Variants in CDH13 observed in about 807,000 individuals in gnomAD.
The protein encoded by CDH13 is cadherin 13, also known as cadherin-13.
A neutral mutation model predicts 63.8 loss-of-function variants in CDH13; 24 were observed. The observed-to-expected ratio is 0.38, with a 90% CI of 0.27 to 0.53. CDH13 has a LOEUF of 0.53. Among genes scored for constraint, CDH13 ranks in the 20% least tolerant of loss-of-function variants. The pLI is 0.85. For synonymous variants in CDH13, 503 were observed against 355.3 expected, an observed-to-expected ratio of 1.42 and a Z score of -4.67; for missense variants, 1,049 against 903.1, an observed-to-expected ratio of 1.16 and a Z score of -2.07.
chr16:83,112,412 G>A (rs2035101300), intron 3 of CDH13, among the ~76,000 whole-genome samples: 1 of 152,234 alleles, frequency 6.6e-6, no homozygotes. Context: ...GAGAGAGGAA[G>A]TTCTTGGTGA....
intron 7 of CDH13, among the ~76,000 whole-genome samples, chr16:83,489,608 C>T (rs1010184622): frequency 1.3e-5 from 2 of 152,148 alleles, no homozygotes. Context: ...ATCAGATGTC[C>T]AGTGGAGTTC....
intron 4 of CDH13, among the ~76,000 whole-genome samples, chr16:83,155,757 T>C (rs1219757752): frequency 1.3e-5 from 2 of 152,166 alleles, no homozygotes; most frequent in African/African-American, 4.8e-5. Context: ...CCAGGAAGAC[T>C]GAACTGCAAA....
chr16:82,911,984 C>G (rs1157937234), intron 2 of CDH13, among the ~76,000 whole-genome samples: 1 of 152,042 alleles, frequency 6.6e-6, no homozygotes, highest in Non-Finnish European at 1.5e-5. Flanking sequence ...TTGTGACCCA[C>G]GATTCAGCCA....
At chr16:83,675,961 C>T (rs8058363) in intron 9 of CDH13, among the ~76,000 whole-genome samples, 11,416 of 152,136 alleles carry the variant, frequency 0.075, 698 homozygotes, top group African/African-American at 0.17. Flanking sequence ...TGACACTGTG[C>T]TAGGTGCTGT....
At chr16:83,478,352 G>A (rs1251111796) in intron 6 of CDH13, among the ~76,000 whole-genome samples, 1 of 152,144 alleles carries the variant, frequency 6.6e-6, no homozygotes, top group Non-Finnish European at 1.5e-5. Flanking sequence ...GGCACTGGGT[G>A]AGTAGGTGAG....
chr16:82,819,411 A>G (rs866759655), intron 1 of CDH13, among the ~76,000 whole-genome samples: 2 of 152,192 alleles, frequency 1.3e-5, no homozygotes, highest in African/African-American at 4.8e-5. Flanking sequence ...GGCATGGACT[A>G]GGGAGTCATG....
At chr16:83,541,261 A>T (rs1439179723) in intron 7 of CDH13, among the ~76,000 whole-genome samples, 2 of 152,208 alleles carry the variant, frequency 1.3e-5, no homozygotes, top group Non-Finnish European at 2.9e-5. Flanking sequence ...TTAACATGTC[A>T]TAATATTGAG....
intron 4 of CDH13, among the ~76,000 whole-genome samples, chr16:83,145,640 C>G (rs1170102366): frequency 6.6e-6 from 1 of 152,190 alleles, no homozygotes; most frequent in Non-Finnish European, 1.5e-5. Context: ...GAAGAACATT[C>G]TATAGATCGA....
At position 83,118,532 on chromosome 16, in the gene CDH13, G is replaced by T. The variant is rs150381462; in HGVS notation, c.367-6853G>T. On this transcript the variant is annotated intron_variant, in intron 3 of 13. Coordinates refer to ENST00000567109, the MANE Select transcript of CDH13 (RefSeq NM_001257.5). ...TACATGTGTCTGTGTTTCAGATCTG[G>T]CCTTAGGCCATCCACAGCCGAATTA... 8.5e-5 allele frequency among the ~76,000 whole-genome samples: 13 copies of T among 152,280 alleles called. No individual in the cohort carries two copies. The East Asian group carries it at 2.5e-3, about 30-fold the overall frequency.
At chr16:83,331,668 G>C (rs890811654) in intron 5 of CDH13, among the ~76,000 whole-genome samples, 4 of 152,146 alleles carry the variant, frequency 2.6e-5, no homozygotes, top group African/African-American at 9.7e-5. Flanking sequence ...TAATATTTTA[G>C]CATAATCTTG....
intron 2 of CDH13, among the ~76,000 whole-genome samples, chr16:83,005,072 T>C (rs1375312646): frequency 6.6e-6 from 1 of 152,152 alleles, no homozygotes; most frequent in African/African-American, 2.4e-5. Flanking sequence ...CACATGGCTA[T>C]GGCCCGCTGC....
chr16:83,794,626 C>T (rs901533174), intron 13 of CDH13, among the ~76,000 whole-genome samples: 1 of 149,114 alleles, frequency 6.7e-6, no homozygotes, highest in African/African-American at 2.5e-5. Flanking sequence ...CTTAAGTCAA[C>T]ATATATATAT....
chr16:83,351,807 G>A (rs951718339), intron 6 of CDH13, among the ~76,000 whole-genome samples: 1 of 152,174 alleles, frequency 6.6e-6, no homozygotes, highest in Non-Finnish European at 1.5e-5. Context: ...TCTAATCAGA[G>A]GATTTTAGTC....
chr16:82,653,654 G>T (rs772103865), intron 1 of CDH13, among the ~76,000 whole-genome samples: 1 of 152,140 alleles, frequency 6.6e-6, no homozygotes, highest in Non-Finnish European at 1.5e-5. Context: ...AGCCAGGGAG[G>T]GGGTGGATTG....
At chr16:83,157,738 T>TA (rs58336254) in intron 4 of CDH13, among the ~76,000 whole-genome samples, 1,484 of 99,426 alleles carry the variant, frequency 0.015, 7 homozygotes, top group African/African-American at 0.022. Context: ...ACTAGAAATA[T>TA]AAAAAAAAAA....
chr16:83,388,463 T>C (rs1201400690), intron 6 of CDH13, among the ~76,000 whole-genome samples: 5 of 151,988 alleles, frequency 3.3e-5, no homozygotes, highest in Admixed American at 6.6e-5. Context: ...AAAAATCACA[T>C]TTCTGGCTTT....
chr16:83,088,035 G>A (rs901969193), intron 3 of CDH13, among the ~76,000 whole-genome samples: 1 of 152,094 alleles, frequency 6.6e-6, no homozygotes, highest in Admixed American at 6.5e-5. Flanking sequence ...TTAGGTTGGC[G>A]CAAAAAGTAG....
At chr16:83,353,541 A>G (rs552326192) in intron 6 of CDH13, among the ~76,000 whole-genome samples, 1 of 152,340 alleles carries the variant, frequency 6.6e-6, no homozygotes, top group East Asian at 1.9e-4. Flanking sequence ...AACCAACAGA[A>G]CTGTATGTTT....
chr16:83,760,309 C>G (rs1243877882), intron 11 of CDH13, among the ~76,000 whole-genome samples: 1 of 152,166 alleles, frequency 6.6e-6, no homozygotes, highest in African/African-American at 2.4e-5. Flanking sequence ...TCAACTAAAG[C>G]TGAACATACA....
Sources: gnomAD v4.1 joint callset for allele counts (sites outside exome capture counted in the v4.1 genomes callset) on GRCh38, gnomAD v4.1.1 for gene constraint, MANE v1.5 for transcripts, NCBI Gene and HGNC (gene_info 2026-07-23, HGNC 2026-07-21) for gene names.